Variants in COL5A2 observed in about 807,000 individuals in gnomAD.
COL5A2 encodes the protein collagen alpha-2(V) chain.
In COL5A2, 23 loss-of-function variants were observed where a neutral mutation model predicts 208.2. The observed-to-expected ratio is 0.11, with a 90% CI of 0.08 to 0.16. The LOEUF is 0.16. Ranked by LOEUF, COL5A2 falls within the 10% of genes least tolerant of loss-of-function variation. COL5A2 has a pLI of 1.00. For missense variants in COL5A2, 1,590 were observed against 1,956.4 expected, an observed-to-expected ratio of 0.81 and a Z score of 3.53; for synonymous variants, 625 against 628.5, an observed-to-expected ratio of 0.99 and a Z score of 0.08.
intron 16 of COL5A2, among the ~76,000 whole-genome samples, chr2:189,077,044 C>G (rs1686420998): frequency 6.6e-6 from 1 of 151,892 alleles, no homozygotes; most frequent in African/African-American, 2.4e-5. Flanking sequence ...GTAGCCTGGG[C>G]AACAGAGTAA....
At chr2:189,082,294 CT>C (rs1686552356) in intron 12 of COL5A2, among the ~76,000 whole-genome samples, 1 of 152,130 alleles carries the variant, frequency 6.6e-6, no homozygotes, top group Non-Finnish European at 1.5e-5. Context: ...CGTCTGTGAC[CT>C]CTTGAAAGAA....
At chr2:189,135,877 C>A (rs1013284336) in intron 1 of COL5A2, among the ~76,000 whole-genome samples, 17 of 152,142 alleles carry the variant, frequency 1.1e-4, no homozygotes, top group African/African-American at 3.6e-4. Flanking sequence ...ATGAGGCAAC[C>A]AACAGTAGCT....
chr2:189,043,454 G>C (rs916444901), intron 47 of COL5A2, among the ~76,000 whole-genome samples, 196 bp from the exon 48 acceptor site: 3 of 151,818 alleles, frequency 2.0e-5, no homozygotes, highest in African/African-American at 2.4e-5. Flanking sequence ...AGAATGGTAG[G>C]TGATCACTGA....
At position 189,058,521 on chromosome 2, in the gene COL5A2, G is replaced by A; in HGVS notation, c.2137C>T (p.Arg713Ter). ...AVGPLGPRGE[R>*]GNPGERGEPG... ...TCTCCTCTTTCCCCAGGATTTCCTCGTTCTCCCTAGCACAAAATTGGGATG... is the reference window on the plus strand; with the variant it reads ...TCTCCTCTTTCCCCAGGATTTCCTCATTCTCCCTAGCACAAAATTGGGATG... Residue 713 changes from arginine (R) to a stop codon, truncating the protein, a stop_gained, in exon 33 of 54, where the codon CGA (arginine) becomes TGA (stop). Transcript: ENST00000374866. LOFTEE classifies it high-confidence loss of function. 2 of 1,613,150 alleles carry A rather than the reference G, an allele frequency of 1.2e-6. No individual in the cohort carries two copies. The highest frequency in any genetic ancestry group is 1.7e-6 in the Non-Finnish European group (2 of 1,179,248).
At chr2:189,178,943 AAAGTGATCAC>A (rs1688732949) in intron 1 of COL5A2, among the ~76,000 whole-genome samples, 1 of 152,206 alleles carries the variant, frequency 6.6e-6, no homozygotes, top group South Asian at 2.1e-4. Context: ...CCAGTAAGCA[AAAGTGATCAC>A]ATTTTCACAA....
intron 1 of COL5A2, among the ~76,000 whole-genome samples, chr2:189,202,120 TA>T (rs1689087034): frequency 6.6e-6 from 1 of 151,834 alleles, no homozygotes; most frequent in African/African-American, 2.4e-5. Flanking sequence ...ATATGTGTGT[TA>T]AAATACCTAG....
In COL5A2 at chr2:189,052,683, T is replaced by A. The variant is rs947175880; in HGVS notation, c.2715+66A>T. On this transcript the variant is annotated intron_variant, in intron 40 of 53. Transcript: ENST00000374866. The stretch of plus-strand genomic sequence containing the variant: ...TCTCAGATGAAAATTATCTTTTACA[T>A]GACCAGGAAGCACTAGGTAACTAGA... 14 of 1,443,178 alleles carry A rather than the reference T, an allele frequency of 9.7e-6. No homozygotes were observed. The Admixed American group carries it at 1.0e-4, about 10-fold the overall frequency. 89.4% of individuals were successfully genotyped at this position (1,443,178 alleles called of 1,614,324 possible).
the COL5A2 span, among the ~76,000 whole-genome samples, chr2:189,239,699 G>A: frequency 2.0e-5 from 3 of 151,498 alleles, no homozygotes; most frequent in Non-Finnish European, 2.9e-5. Flanking sequence ...CAGCACACCA[G>A]CATGGCACAT....
chr2:189,343,850 G>A, the COL5A2 span, among the ~76,000 whole-genome samples: 1 of 152,064 alleles, frequency 6.6e-6, no homozygotes, highest in African/African-American at 2.4e-5. Context: ...ATAACCTTCT[G>A]TGCCAAACCC....
chr2:189,242,266 C>A, the COL5A2 span, among the ~76,000 whole-genome samples: 1 of 152,120 alleles, frequency 6.6e-6, no homozygotes, highest in African/African-American at 2.4e-5. Context: ...TAAGTAGCTT[C>A]TATACATAAA....
chr2:189,373,464 C>T, the COL5A2 span, among the ~76,000 whole-genome samples: 2 of 152,010 alleles, frequency 1.3e-5, no homozygotes, highest in African/African-American at 4.8e-5. Flanking sequence ...TCAATATGAC[C>T]CCTGAGGGTC....
chr2:189,387,031 G>A, the COL5A2 span, among the ~76,000 whole-genome samples: 1,119 of 152,096 alleles, frequency 7.4e-3, 15 homozygotes, highest in African/African-American at 0.025. Flanking sequence ...TCATTGCAGC[G>A]TTATTCACAA....
the COL5A2 span, among the ~76,000 whole-genome samples, chr2:189,291,216 TCA>T: frequency 2.6e-5 from 4 of 152,114 alleles, no homozygotes; most frequent in Non-Finnish European, 5.9e-5. Flanking sequence ...GTTAGTCTTC[TCA>T]CTTAAGAGAT....
In COL5A2 at chr2:189,062,996, A is replaced by T; in HGVS notation, c.1923+14T>A. On this transcript the variant is annotated intron_variant, in intron 28 of 53. Coordinates refer to ENST00000374866, the MANE Select transcript of COL5A2 (RefSeq NM_000393.5). ...ACCTACATTATTTTTCTTTAGCAGA[A>T]AATGTATATTTACCCTCTGCCCAGG... 6.2e-7 allele frequency: 1 copy of T among 1,614,122 alleles called. No individual in the cohort carries two copies. Among genetic ancestry groups the T allele is most frequent in the Non-Finnish European group, 8.5e-7 (1 of 1,179,966 alleles).
At chr2:189,385,592 AT>A in the COL5A2 span, among the ~76,000 whole-genome samples, 1 of 152,138 alleles carries the variant, frequency 6.6e-6, no homozygotes, top group African/African-American at 2.4e-5. Context: ...CAAATTACCA[AT>A]GCCATTTTTC....
the COL5A2 span, among the ~76,000 whole-genome samples, chr2:189,430,415 G>C: frequency 2.0e-5 from 3 of 152,166 alleles, no homozygotes; most frequent in Non-Finnish European, 4.4e-5. Context: ...AAACACAAGG[G>C]GTTGGGGGAT....
intron 15 of COL5A2, among the ~76,000 whole-genome samples, chr2:189,078,797 C>T (rs1002194642): frequency 7.2e-5 from 11 of 151,976 alleles, no homozygotes; most frequent in East Asian, 1.9e-4. Flanking sequence ...GCTAAATCTG[C>T]GATAATCTTG....
At chr2:189,181,505 G>T (rs573764151), upstream of COL5A2, among the ~76,000 whole-genome samples, 1 of 151,812 alleles carries the variant, frequency 6.6e-6, no homozygotes, top group Non-Finnish European at 1.5e-5. Context: ...AAGTAAATGT[G>T]GGGGGGAGGA....
At chr2:189,053,278 T>TA (rs1161682386) in intron 38 of COL5A2, 146 bp downstream of exon 38, 11 of 810,562 alleles carry the variant, frequency 1.4e-5, no homozygotes, top group Non-Finnish European at 2.2e-5. Context: ...TGCCAGTCTA[T>TA]AAAAAAATGT....
Sources: allele counts gnomAD v4.1 joint callset (sites outside exome capture counted in the v4.1 genomes callset), GRCh38; gene constraint gnomAD v4.1.1; transcripts MANE v1.5; gene names NCBI Gene and HGNC (gene_info 2026-07-23, HGNC 2026-07-21).